The following RALYL variants were observed in gnomAD, a reference collection of about 807,000 sequenced individuals.
RALYL encodes the protein RALY RNA binding protein like, also known as RNA-binding Raly-like protein.
A neutral mutation model predicts 35.1 loss-of-function variants in RALYL; 29 were observed. That is an observed-to-expected ratio of 0.83 (90% CI 0.61 to 1.13). The LOEUF is 1.13. Ranked by LOEUF, RALYL falls within the 50% of genes most tolerant of loss-of-function variation. RALYL has a pLI of 0.00. For missense variants in RALYL, 359 were observed against 360.4 expected, an observed-to-expected ratio of 1.00 and a Z score of 0.03; for synonymous variants, 120 against 127.6, an observed-to-expected ratio of 0.94 and a Z score of 0.40.
intron 1 of RALYL, among the ~76,000 whole-genome samples, chr8:84,214,745 T>A (rs1376414604): frequency 6.6e-6 from 1 of 152,156 alleles, no homozygotes; most frequent in African/African-American, 2.4e-5. Context: ...GTTACAGATT[T>A]GTTGGGAGAC....
intron 1 of RALYL, among the ~76,000 whole-genome samples, chr8:84,473,806 C>A (rs1284940545): frequency 6.6e-6 from 1 of 151,814 alleles, no homozygotes; most frequent in African/African-American, 2.4e-5. Context: ...ATGTTCTACA[C>A]TATATCTGAT....
chr8:84,321,534 T>C (rs927709106), intron 1 of RALYL, among the ~76,000 whole-genome samples: 1 of 152,122 alleles, frequency 6.6e-6, no homozygotes, highest in African/African-American at 2.4e-5. Context: ...GAGGTCATTG[T>C]ATTTGTATAG....
chr8:84,417,894 C>T (rs541833723), intron 1 of RALYL, among the ~76,000 whole-genome samples: 315 of 152,222 alleles, frequency 2.1e-3, no homozygotes, highest in African/African-American at 7.2e-3. Context: ...CTTCAGCTTT[C>T]GGAAATTAAA....
intron 4 of RALYL, among the ~76,000 whole-genome samples, chr8:84,830,991 T>C (rs1032420560): frequency 5.3e-5 from 8 of 151,786 alleles, no homozygotes; most frequent in Non-Finnish European, 1.2e-4. Context: ...AGAAGGTCAA[T>C]AAATGATATT....
At chr8:84,863,645 T>C (rs1838563623) in intron 6 of RALYL, among the ~76,000 whole-genome samples, 1 of 152,202 alleles carries the variant, frequency 6.6e-6, no homozygotes, top group Non-Finnish European at 1.5e-5. Flanking sequence ...CTGCCTTTTA[T>C]TTCAGCACTA....
intron 1 of RALYL, among the ~76,000 whole-genome samples, chr8:84,254,980 A>G (rs1830952577): frequency 1.3e-5 from 2 of 152,000 alleles, no homozygotes; most frequent in African/African-American, 4.8e-5. Flanking sequence ...CCATGATCCA[A>G]TTATCTCCAC....
chr8:84,190,082 T>G (rs1261100130), intron 1 of RALYL, among the ~76,000 whole-genome samples: 1 of 152,226 alleles, frequency 6.6e-6, no homozygotes, highest in Non-Finnish European at 1.5e-5. Flanking sequence ...ATTTACTTAC[T>G]GAGTACAAAA....
chr8:84,250,981 T>A (rs1335315565), intron 1 of RALYL, among the ~76,000 whole-genome samples: 1 of 152,180 alleles, frequency 6.6e-6, no homozygotes, highest in Admixed American at 6.5e-5. Context: ...CACAGTTATT[T>A]GTTCCCAATT....
At chr8:84,886,529 T>TA (rs151332182) in intron 7 of RALYL, among the ~76,000 whole-genome samples, 6,257 of 152,152 alleles carry the variant, frequency 0.041, 443 homozygotes, top group African/African-American at 0.14. Flanking sequence ...AATCATCTGA[T>TA]AAAAAATAAC....
chr8:84,211,545 ATGATT>A (rs1819490168), intron 1 of RALYL, among the ~76,000 whole-genome samples: 1 of 152,252 alleles, frequency 6.6e-6, no homozygotes, highest in Non-Finnish European at 1.5e-5. Flanking sequence ...TACAATGTCA[ATGATT>A]AGCATGTAGT....
intron 1 of RALYL, among the ~76,000 whole-genome samples, chr8:84,526,931 C>G (rs946475624): frequency 1.3e-5 from 2 of 152,116 alleles, no homozygotes. Context: ...CCCTGGTTTT[C>G]TATTTCTTTG....
At chr8:84,713,229 G>C (rs1023369959) in intron 2 of RALYL, among the ~76,000 whole-genome samples, 3 of 151,912 alleles carry the variant, frequency 2.0e-5, no homozygotes, top group Non-Finnish European at 4.4e-5. Flanking sequence ...CCTATTATAT[G>C]TTCTTGGCAC....
chr8:84,793,046 GA>G (rs1344942024), intron 3 of RALYL, among the ~76,000 whole-genome samples: 2 of 152,214 alleles, frequency 1.3e-5, no homozygotes, highest in Non-Finnish European at 2.9e-5. Context: ...AAGACTGACA[GA>G]AGTTAGAGTA....
chr8:84,615,570 C>CTTTTTTTTTT lies in RALYL; in HGVS notation c.256+86014_256+86023dup, dbSNP rs60428128. Among the ~76,000 whole-genome samples, 172 of 67,332 alleles carry CTTTTTTTTTT rather than the reference C, an allele frequency of 2.6e-3. 1 individual carries two copies. The highest frequency in any genetic ancestry group is 5.5e-3 in the East Asian group (11 of 1,986). 44.2% of individuals were successfully genotyped at this position (67,332 alleles called of 152,430 possible). ...GAGAGCCTGACTATAGAACTTTCGT[C>CTTTTTTTTTT]TTTTTTTTTTTTTTTTTTTTTTTTT... On this transcript the variant is annotated intron_variant, in intron 2 of 8. Transcript: ENST00000521268.
intron 1 of RALYL, among the ~76,000 whole-genome samples, chr8:84,372,886 G>GTTTTTTTTGTTTTGTTTTGTTTTTT (rs1856064727): frequency 2.6e-5 from 1 of 39,064 alleles, no homozygotes; most frequent in Non-Finnish European, 4.5e-5. Context: ...GCCAGCATCT[G>GTTTTTTTTGTTTTGTTTTGTTTTTT]TTTTTTTTTT....
At chr8:84,732,166 G>T (rs1045718459) in intron 2 of RALYL, among the ~76,000 whole-genome samples, 7 of 151,988 alleles carry the variant, frequency 4.6e-5, no homozygotes, top group Non-Finnish European at 8.8e-5. Context: ...TTTTTGTTCA[G>T]TATCTGTACC....
At chr8:84,667,885 T>C (rs1464594119) in intron 2 of RALYL, among the ~76,000 whole-genome samples, 2 of 152,088 alleles carry the variant, frequency 1.3e-5, no homozygotes, top group Non-Finnish European at 2.9e-5. Context: ...TTATATAACC[T>C]AGGGAGGATG....
chr8:84,468,898 C>T (rs1366903863), intron 1 of RALYL, among the ~76,000 whole-genome samples: 1 of 151,874 alleles, frequency 6.6e-6, no homozygotes, highest in Non-Finnish European at 1.5e-5. Flanking sequence ...TTCATTTCAT[C>T]TTCCATTGCT....
At chr8:84,491,393 A>T (rs2055285326) in intron 1 of RALYL, among the ~76,000 whole-genome samples, 1 of 152,058 alleles carries the variant, frequency 6.6e-6, no homozygotes, top group South Asian at 2.1e-4. Context: ...TACAAAGAGA[A>T]ATGTATTTAA....
Sources: gnomAD v4.1 joint callset for allele counts (sites outside exome capture counted in the v4.1 genomes callset) on GRCh38, gnomAD v4.1.1 for gene constraint, MANE v1.5 for transcripts, NCBI Gene and HGNC (gene_info 2026-07-23, HGNC 2026-07-21) for gene names.